ALK: variants seen among roughly 807,000 people sequenced by gnomAD.
ALK encodes the protein ALK tyrosine kinase receptor.
Under a neutral mutation model 163.1 loss-of-function variants are expected in ALK, and 74 were observed. That is an observed-to-expected ratio of 0.45 (90% CI 0.38 to 0.55). The LOEUF (loss-of-function observed/expected upper bound fraction) is 0.55. Ranked by LOEUF, ALK falls within the 20% of genes least tolerant of loss-of-function variation. The pLI is 0.00. For synonymous variants in ALK, 960 were observed against 843.2 expected (o/e 1.14, Z -2.40); for missense variants, 2,063 against 2,105.3 (o/e 0.98, Z 0.39).
chr2:29,541,349 G>A (rs1673407523), intron 3 of ALK, among the ~76,000 whole-genome samples: 1 of 152,208 alleles, frequency 6.6e-6, no homozygotes, highest in African/African-American at 2.4e-5. Context: ...CTGGAGTGCA[G>A]TGGCACCATC....
chr2:29,355,207 A>C (rs1668218857), intron 5 of ALK, among the ~76,000 whole-genome samples: 1 of 152,198 alleles, frequency 6.6e-6, no homozygotes, highest in African/African-American at 2.4e-5. Flanking sequence ...TGTGTGGTGC[A>C]TTCACAGATG....
intron 9 of ALK, among the ~76,000 whole-genome samples, chr2:29,288,609 G>T (rs1411685675): frequency 6.6e-6 from 1 of 152,162 alleles, no homozygotes; most frequent in African/African-American, 2.4e-5. Context: ...AAAATTTTTT[G>T]ACCATGAAAG....
chr2:29,343,941 A>T (rs1040684308), intron 5 of ALK, among the ~76,000 whole-genome samples: 2 of 152,200 alleles, frequency 1.3e-5, no homozygotes, highest in Non-Finnish European at 2.9e-5. Flanking sequence ...GCTACTAAGC[A>T]GAGTCTACAA....
intron 4 of ALK, among the ~76,000 whole-genome samples, chr2:29,495,321 G>A (rs1270597661): frequency 1.3e-5 from 2 of 152,186 alleles, no homozygotes; most frequent in African/African-American, 4.8e-5. Context: ...GAGCAAGGGT[G>A]GAGGGTGGCA....
chr2:29,575,377 G>GT (rs1196951702), intron 3 of ALK, among the ~76,000 whole-genome samples: 1 of 152,098 alleles, frequency 6.6e-6, no homozygotes, highest in Non-Finnish European at 1.5e-5. Context: ...ATTCTCTTTA[G>GT]TTATCTAAGT....
chr2:29,619,157 C>A (rs1573503762), intron 3 of ALK, among the ~76,000 whole-genome samples: 1 of 152,152 alleles, frequency 6.6e-6, no homozygotes, highest in Middle Eastern at 3.4e-3. Flanking sequence ...TGCAATAGTA[C>A]CAAGTAACTG....
intron 4 of ALK, among the ~76,000 whole-genome samples, chr2:29,398,375 G>A (rs530482579): frequency 7.2e-5 from 11 of 152,128 alleles, no homozygotes; most frequent in South Asian, 2.1e-4. Context: ...ATAAGGGCTC[G>A]GCCATCTCCA....
chr2:29,526,214 C>A (rs116894563), intron 4 of ALK, among the ~76,000 whole-genome samples: 8 of 152,106 alleles, frequency 5.3e-5, no homozygotes, highest in Non-Finnish European at 1.2e-4. Context: ...TTTAAACCCA[C>A]GACAACCCCG....
intron 1 of ALK, among the ~76,000 whole-genome samples, chr2:29,772,106 G>A (rs1364911188): frequency 6.6e-6 from 1 of 152,182 alleles, no homozygotes; most frequent in Admixed American, 6.5e-5. Flanking sequence ...ATGGGAGCAG[G>A]GAAGAGGGCT....
At chr2:29,914,839 C>G (rs571291636) in intron 1 of ALK, among the ~76,000 whole-genome samples, 3 of 152,290 alleles carry the variant, frequency 2.0e-5, no homozygotes, top group East Asian at 1.9e-4. Context: ...GGAAAGAACT[C>G]TGACTTGAAG....
intron 11 of ALK, among the ~76,000 whole-genome samples, chr2:29,253,319 A>G (rs1337430648): frequency 6.6e-6 from 1 of 152,198 alleles, no homozygotes; most frequent in African/African-American, 2.4e-5. Context: ...TGTGGAAAGA[A>G]CACAGGCTTT....
At chr2:29,401,350 C>T (rs1476964895) in intron 4 of ALK, among the ~76,000 whole-genome samples, 1 of 152,172 alleles carries the variant, frequency 6.6e-6, no homozygotes, top group South Asian at 2.1e-4. Context: ...TTCCCAAAAG[C>T]ACCACAGGAC....
chr2:29,838,501 G>A (rs1665621516), intron 1 of ALK, among the ~76,000 whole-genome samples: 2 of 152,066 alleles, frequency 1.3e-5, no homozygotes, highest in African/African-American at 4.8e-5. Context: ...ATTCATAATA[G>A]CTACAAACTG....
chr2:29,275,968 G>A (rs1665537426), intron 9 of ALK, among the ~76,000 whole-genome samples: 1 of 152,196 alleles, frequency 6.6e-6, no homozygotes, highest in South Asian at 2.1e-4. Context: ...CATTCAGCCA[G>A]TGGGGCTTAA....
chr2:29,232,218 A>G, intron 15 of ALK, 86 bp downstream of exon 15: 1 of 1,550,656 alleles, frequency 6.4e-7, no homozygotes. Context: ...CCAGTGACTA[A>G]GATGCCCTCA....
rs62130588 is a variant in ALK, at chr2:29,229,120, C to T, written c.2633-54G>A. On this transcript the variant is annotated intron_variant, in intron 15 of 28. Transcript: ENST00000389048. ...AGGATGCTGGCAAGGTTCAATTAGC[C>T]ATGCTGGCCAGAGAAGCAGGATGCA... 117,172 of 1,555,822 alleles carry T rather than the reference C, an allele frequency of 0.075. 5,105 individuals carry two copies. The highest frequency in any genetic ancestry group is 0.16 in the African/African-American group (11,565 of 73,648).
At chr2:29,890,362 G>A (rs1667112245) in intron 1 of ALK, 1 of 152,172 alleles carries the variant, frequency 6.6e-6, no homozygotes, top group South Asian at 2.1e-4. Context: ...TAGAAATCTG[G>A]ATTTCTATGC....
intron 1 of ALK, among the ~76,000 whole-genome samples, chr2:29,761,295 A>C (rs1007526773): frequency 6.6e-6 from 1 of 152,164 alleles, no homozygotes; most frequent in Non-Finnish European, 1.5e-5. Flanking sequence ...AGGCAGATAG[A>C]TGTGGGCCCA....
chr2:29,735,660 G>T (rs952338492), intron 1 of ALK, among the ~76,000 whole-genome samples: 1 of 152,072 alleles, frequency 6.6e-6, no homozygotes, highest in African/African-American at 2.4e-5. Context: ...GGAGGTAATA[G>T]AATCATACGG....
Sources: allele counts gnomAD v4.1 joint callset (sites outside exome capture counted in the v4.1 genomes callset), GRCh38; gene constraint gnomAD v4.1.1; transcripts MANE v1.5; gene names NCBI Gene and HGNC (gene_info 2026-07-23, HGNC 2026-07-21).